STK32B: variants seen among roughly 807,000 people sequenced by gnomAD.
STK32B encodes the protein serine/threonine kinase 32B, also known as serine/threonine-protein kinase 32B.
A neutral mutation model predicts 52.6 loss-of-function variants in STK32B; 43 were observed. The observed-to-expected ratio is 0.82, with a 90% CI of 0.64 to 1.05. The LOEUF is 1.05. Among genes scored for constraint, STK32B ranks in the 50% least tolerant of loss-of-function variants. The probability of loss-of-function intolerance (pLI) is 0.00; values close to 1 mark genes in which losing one functional copy is unlikely to be tolerated. For synonymous variants in STK32B, 238 were observed against 204.3 expected (o/e 1.17, Z -1.41); for missense variants, 621 against 534.6 (o/e 1.16, Z -1.59).
rs1476744546 is a variant in STK32B at position 5,053,308 on chromosome 4, A to G, written c.52+1393A>G. ...CAGCTTTTCCTGATCTTTAGTCTGG[A>G]GCATGTGCAGGTGAGCAGGTAAGGA... On this transcript the variant is annotated intron_variant, in intron 1 of 11. Coordinates refer to ENST00000282908, the MANE Select transcript of STK32B (RefSeq NM_018401.3). Among the ~76,000 whole-genome samples the G allele has an allele frequency of 3.9e-5, 6 of 152,176 alleles. No homozygotes were observed. The East Asian group carries it at 1.2e-3, about 29-fold the overall frequency.
intron 3 of STK32B, among the ~76,000 whole-genome samples, chr4:5,304,102 C>G (rs1023774566): frequency 6.6e-5 from 10 of 152,100 alleles, no homozygotes; most frequent in African/African-American, 2.4e-4. Flanking sequence ...AGTATGAAGT[C>G]AGATAATGCA....
At position 5,343,476 on chromosome 4, in the gene STK32B, T is replaced by C. The variant is rs565818803; in HGVS notation, c.434+12083T>C. On this transcript the variant is annotated intron_variant, in intron 4 of 11. Coordinates refer to ENST00000282908, the MANE Select transcript of STK32B (RefSeq NM_018401.3). ...TTTGGCTATATACCCAGTAATGGGA[T>C]GGCTGGGTCAAATGGTATTTCTAGT... 1.2e-4 allele frequency among the ~76,000 whole-genome samples: 18 copies of C among 152,292 alleles called. No individual in the cohort carries two copies. In the East Asian group the frequency reaches 3.5e-3, roughly 29 times the overall value.
chr4:5,125,977 T>A (rs1157842424), intron 1 of STK32B, among the ~76,000 whole-genome samples: 2 of 152,130 alleles, frequency 1.3e-5, no homozygotes, highest in Non-Finnish European at 2.9e-5. Context: ...GGCCTGTGAT[T>A]GTCCAGTTGC....
At chr4:5,485,492 A>AT (rs1391394302) in intron 11 of STK32B, among the ~76,000 whole-genome samples, 3 of 151,742 alleles carry the variant, frequency 2.0e-5, no homozygotes, top group Admixed American at 6.6e-5. Flanking sequence ...CATTCGTCTA[A>AT]TTTTTTTCAA....
intron 6 of STK32B, among the ~76,000 whole-genome samples, chr4:5,434,188 A>T (rs1713835897): frequency 6.6e-6 from 1 of 152,182 alleles, no homozygotes; most frequent in African/African-American, 2.4e-5. Flanking sequence ...ATGCAGTGAA[A>T]GACAATGGGC....
the STK32B span, among the ~76,000 whole-genome samples, chr4:5,033,932 T>C: frequency 3.1e-4 from 47 of 152,308 alleles, no homozygotes; most frequent in African/African-American, 1.1e-3. Context: ...ACAACGGCTG[T>C]GTACTTCTCA....
rs147814892 is a variant in STK32B at position 5,195,236 on chromosome 4, T to C, written c.260+26786T>C. Among the ~76,000 whole-genome samples the C allele has an allele frequency of 2.7e-3, 408 of 152,278 alleles. 2 individuals carry two copies. The highest frequency in any genetic ancestry group is 9.4e-3 in the African/African-American group (392 of 41,556). The stretch of plus-strand genomic sequence containing the variant: ...ATTGGCAGGACATGTACCTTTGATT[T>C]GCCAATATATTCTTCAAGATAGGGC... On this transcript the variant is annotated intron_variant, in intron 3 of 11. Coordinates refer to ENST00000282908, the MANE Select transcript of STK32B (RefSeq NM_018401.3).
the STK32B span, among the ~76,000 whole-genome samples, chr4:5,023,228 T>C: frequency 6.6e-6 from 1 of 152,164 alleles, no homozygotes; most frequent in Admixed American, 6.5e-5. Flanking sequence ...AGATCATAAA[T>C]TCGTGATGCT....
In STK32B at chr4:5,488,223, G is replaced by C. The variant is rs142557256; in HGVS notation, c.1107-10722G>C. On this transcript the variant is annotated intron_variant, in intron 11 of 11. Coordinates refer to ENST00000282908, the MANE Select transcript of STK32B (RefSeq NM_018401.3). ...TGAGGCTGGAGAATCACTTGAACCC[G>C]GGAGGCAGAGGTTGCAGTGAGCTGA... 2.0e-5 allele frequency among the ~76,000 whole-genome samples: 3 copies of C among 152,218 alleles called. No homozygotes were observed. The East Asian group carries it at 5.8e-4, about 29-fold the overall frequency.
chr4:5,032,544 T>C, the STK32B span, among the ~76,000 whole-genome samples: 2 of 151,646 alleles, frequency 1.3e-5, no homozygotes, highest in African/African-American at 4.8e-5. Flanking sequence ...AACTGCATTT[T>C]CCATCTTTCA....
At chr4:5,262,240 A>G (rs776363362) in intron 3 of STK32B, among the ~76,000 whole-genome samples, 17 of 152,170 alleles carry the variant, frequency 1.1e-4, no homozygotes, top group Non-Finnish European at 2.4e-4. Flanking sequence ...GCAGGCAGGC[A>G]TAATTTTAGA....
chr4:5,319,576 G>C (rs1168852387), intron 3 of STK32B, among the ~76,000 whole-genome samples: 2 of 150,974 alleles, frequency 1.3e-5, no homozygotes, highest in African/African-American at 4.9e-5. Flanking sequence ...CACGCACCCA[G>C]GCATACAGAG....
At chr4:5,249,262 A>G (rs1260622846) in intron 3 of STK32B, among the ~76,000 whole-genome samples, 2 of 152,124 alleles carry the variant, frequency 1.3e-5, no homozygotes, top group East Asian at 3.9e-4. Flanking sequence ...AGTTGCTATT[A>G]CTCAAATATA....
chr4:5,033,079 T>C, the STK32B span, among the ~76,000 whole-genome samples: 1 of 152,140 alleles, frequency 6.6e-6, no homozygotes, highest in African/African-American at 2.4e-5. Context: ...TTTGCTATTA[T>C]TATTTATGTA....
At position 5,490,201 on chromosome 4, in the gene STK32B, G is replaced by A. The variant is rs1719600293; in HGVS notation, c.1107-8744G>A. Among the ~76,000 whole-genome samples the A allele has an allele frequency of 2.6e-5, 4 of 151,958 alleles. No homozygotes were observed. The South Asian group carries it at 8.3e-4, about 32-fold the overall frequency. ...GGCTCACTGAAACCTCTACCTCCCG[G>A]GTTCAAGCAATTCTCCTGCCTCAGC... On this transcript the variant is annotated intron_variant, in intron 11 of 11. Coordinates refer to ENST00000282908, the MANE Select transcript of STK32B (RefSeq NM_018401.3).
intron 4 of STK32B, among the ~76,000 whole-genome samples, chr4:5,352,675 A>G (rs1269506079): frequency 3.4e-5 from 5 of 148,748 alleles, no homozygotes; most frequent in Admixed American, 6.6e-5. Context: ...TTTGCTGATG[A>G]TATGATATGA....
rs554201358 is a variant in STK32B at position 5,222,710 on chromosome 4, T to G, written c.260+54260T>G. ...GTGCTGATAACTTCTCTTAATTGATTATAATAAAATGCAAAAAGAACCTAT... is the reference window on the plus strand; with the variant it reads ...GTGCTGATAACTTCTCTTAATTGATGATAATAAAATGCAAAAAGAACCTAT... On this transcript the variant is annotated intron_variant, in intron 3 of 11. Transcript: ENST00000282908. 6.6e-5 allele frequency among the ~76,000 whole-genome samples: 10 copies of G among 152,298 alleles called. No homozygotes were observed. In the South Asian group the frequency reaches 1.2e-3, roughly 19 times the overall value.
intron 3 of STK32B, among the ~76,000 whole-genome samples, chr4:5,188,943 C>T (rs1720962736): frequency 1.3e-5 from 2 of 151,792 alleles, no homozygotes; most frequent in African/African-American, 4.8e-5. Flanking sequence ...AGCAAACCAA[C>T]ATGGCACATG....
chr4:5,397,876 C>T (rs915534245), intron 4 of STK32B, among the ~76,000 whole-genome samples: 1 of 152,244 alleles, frequency 6.6e-6, no homozygotes, highest in Non-Finnish European at 1.5e-5. Flanking sequence ...TCAAGGTGGG[C>T]AGGTGCTTCC....
Sources: allele counts gnomAD v4.1 joint callset (sites outside exome capture counted in the v4.1 genomes callset), GRCh38; gene constraint gnomAD v4.1.1; transcripts MANE v1.5; gene names NCBI Gene and HGNC (gene_info 2026-07-23, HGNC 2026-07-21).